The following CHRM3 variants were observed in gnomAD, a reference collection of about 807,000 sequenced individuals.
CHRM3 encodes cholinergic receptor muscarinic 3, also known as muscarinic acetylcholine receptor M3.
Under a neutral mutation model 41.8 loss-of-function variants are expected in CHRM3, and 11 were observed. The observed-to-expected ratio is 0.26, with a 90% CI of 0.17 to 0.44. The LOEUF is 0.44. Among genes scored for constraint, CHRM3 ranks in the 20% least tolerant of loss-of-function variants. The probability of loss-of-function intolerance (pLI) is 1.00; values close to 1 mark genes in which losing one functional copy is unlikely to be tolerated. For missense variants in CHRM3, 571 were observed against 745.4 expected, an observed-to-expected ratio of 0.77 and a Z score of 2.72; for synonymous variants, 297 against 301.4, an observed-to-expected ratio of 0.99 and a Z score of 0.15.
In CHRM3 at chr1:239,894,713, A is replaced by G. The variant is rs568520058; in HGVS notation, c.-19-12720A>G. Among the ~76,000 whole-genome samples, 127 of 150,988 alleles carry G rather than the reference A, an allele frequency of 8.4e-4. 2 individuals are homozygous for G. The highest frequency in any genetic ancestry group is 2.9e-3 in the African/African-American group (118 of 41,164). On this transcript the variant is annotated intron_variant, in intron 6 of 6. Transcript: ENST00000676153. ...CTCCCAAAGTGGTGGTATTACAGGC[A>G]TGAGCCACCGCGCCCGACCGAGAAG...
At chr1:239,398,794 TTTTCTGTATATTAC>T (rs1225836077) in intron 1 of CHRM3, among the ~76,000 whole-genome samples, 1 of 152,238 alleles carries the variant, frequency 6.6e-6, no homozygotes, top group Non-Finnish European at 1.5e-5. Flanking sequence ...TTTGCTTGGT[TTTTCTGTATATTAC>T]TTCCCTTTTG....
At chr1:239,569,087 A>G (rs1661609079) in intron 3 of CHRM3, among the ~76,000 whole-genome samples, 1 of 152,208 alleles carries the variant, frequency 6.6e-6, no homozygotes, top group South Asian at 2.1e-4. Flanking sequence ...TAATACTTTT[A>G]CAATCACATT....
chr1:239,770,938 A>C (rs1667610184), intron 5 of CHRM3, among the ~76,000 whole-genome samples: 1 of 152,038 alleles, frequency 6.6e-6, no homozygotes, highest in Non-Finnish European at 1.5e-5. Flanking sequence ...AAATACAAAA[A>C]TTAGCTGGGC....
chr1:239,472,438 G>T (rs527376364), intron 1 of CHRM3, among the ~76,000 whole-genome samples: 1 of 152,234 alleles, frequency 6.6e-6, no homozygotes, highest in South Asian at 2.1e-4. Flanking sequence ...AGAGTGATGT[G>T]CCATGTTCAT....
At chr1:239,793,550 C>T (rs909834205) in intron 5 of CHRM3, among the ~76,000 whole-genome samples, 4 of 152,162 alleles carry the variant, frequency 2.6e-5, no homozygotes, top group Non-Finnish European at 5.9e-5. Context: ...TTTGTAACTG[C>T]TCAGGCAGAG....
chr1:239,494,348 G>A (rs1268116847), intron 2 of CHRM3, among the ~76,000 whole-genome samples: 2 of 151,962 alleles, frequency 1.3e-5, no homozygotes, highest in African/African-American at 4.8e-5. Context: ...TCCTGTTTTG[G>A]TCAGCAGGGT....
chr1:239,813,883 C>G lies in CHRM3; in HGVS notation c.-146-13369C>G, dbSNP rs969831728. 1.9e-4 allele frequency among the ~76,000 whole-genome samples: 25 copies of G among 132,390 alleles called. 1 individual carries two copies. Among genetic ancestry groups the G allele is most frequent in the African/African-American group, 3.8e-4 (12 of 31,732 alleles). The allele number at this position is 132,390 out of a possible 152,430, so 86.9% of individuals were successfully genotyped here. ...AGTGAGCCGAGATCCCGCCACTGCA[C>G]TCCAGCCTGGGCGACAGAGCGAGAC... On this transcript the variant is annotated intron_variant, in intron 5 of 6. Transcript: ENST00000676153.
At chr1:239,452,485 A>G (rs1285807041) in intron 1 of CHRM3, among the ~76,000 whole-genome samples, 1 of 152,214 alleles carries the variant, frequency 6.6e-6, no homozygotes, top group East Asian at 1.9e-4. Flanking sequence ...ATAACCATCG[A>G]GCAGGATTCT....
chr1:239,711,133 T>G (rs1265473700), intron 5 of CHRM3, among the ~76,000 whole-genome samples: 2 of 152,126 alleles, frequency 1.3e-5, no homozygotes, highest in Non-Finnish European at 2.9e-5. Flanking sequence ...TGAGATTCCT[T>G]AGATAAATAC....
intron 3 of CHRM3, among the ~76,000 whole-genome samples, chr1:239,599,006 C>T (rs1234787899): frequency 6.6e-6 from 1 of 152,148 alleles, no homozygotes; most frequent in Non-Finnish European, 1.5e-5. Context: ...AATATCTTTC[C>T]TGGGATCTTA....
chr1:239,707,339 A>C (rs1661295562), intron 5 of CHRM3: 1 of 152,196 alleles, frequency 6.6e-6, no homozygotes. Flanking sequence ...AAAAAAAATT[A>C]GCTGCATAAT....
chr1:239,501,688 T>C lies in CHRM3; in HGVS notation c.-422+8881T>C, dbSNP rs193231783. Among the ~76,000 whole-genome samples, 232 of 152,126 alleles carry C rather than the reference T, an allele frequency of 1.5e-3. 3 individuals carry two copies. The highest frequency in any genetic ancestry group is 3.7e-3 in the South Asian group (18 of 4,810). Reference sequence around the variant, plus strand: ...GGCTAACACAGTGAAACCCTGTCTCTACTAAAAAATACAAAAAAAATTAGC... The same window carrying C: ...GGCTAACACAGTGAAACCCTGTCTCCACTAAAAAATACAAAAAAAATTAGC... On this transcript the variant is annotated intron_variant, in intron 2 of 6. Coordinates refer to ENST00000676153, the MANE Select transcript of CHRM3 (RefSeq NM_001375978.1).
chr1:239,738,925 C>A (rs1664614300), intron 5 of CHRM3, among the ~76,000 whole-genome samples: 1 of 152,198 alleles, frequency 6.6e-6, no homozygotes, highest in Non-Finnish European at 1.5e-5. Context: ...ACTGCTAAGG[C>A]ACAGTGCATG....
In CHRM3 at chr1:239,827,252, G is replaced by C. The variant is rs1189791923; in HGVS notation, c.-146G>C. ...CCTTGCCTGGTTTCTGTCTTCCCAG[G>C]TGGAGCTGGTCTCTTGGGCAGCCTG... On this transcript the variant is annotated splice_region_variant and 5_prime_UTR_variant, in exon 6 of 7. Transcript: ENST00000676153. 6.6e-6 allele frequency: 1 copy of C among 152,194 alleles called. No homozygotes were observed. The highest frequency in any genetic ancestry group is 6.5e-5 in the Admixed American group (1 of 15,276). 9.4% of individuals were successfully genotyped at this position (152,194 alleles called of 1,614,324 possible).
intron 1 of CHRM3, among the ~76,000 whole-genome samples, chr1:239,435,932 G>A (rs1301664511): frequency 1.3e-5 from 2 of 152,142 alleles, no homozygotes; most frequent in African/African-American, 4.8e-5. Context: ...AGGGGTTGAG[G>A]TGGCATGGAA....
chr1:239,747,535 T>C, intron 5 of CHRM3, among the ~76,000 whole-genome samples: 1 of 152,136 alleles, frequency 6.6e-6, no homozygotes, highest in Non-Finnish European at 1.5e-5. Flanking sequence ...GCTGCTCACA[T>C]TATTTCCCCA....
At chr1:239,881,263 A>G (rs570422509) in intron 6 of CHRM3, among the ~76,000 whole-genome samples, 12 of 114,456 alleles carry the variant, frequency 1.0e-4, no homozygotes, top group Non-Finnish European at 1.9e-4. Context: ...AGCCTGGGCG[A>G]CAGAGTGAGA....
At chr1:239,791,185 A>G (rs537766815) in intron 5 of CHRM3, among the ~76,000 whole-genome samples, 1 of 152,154 alleles carries the variant, frequency 6.6e-6, no homozygotes, top group East Asian at 1.9e-4. Context: ...GCTCACTGCA[A>G]CCTCTGCCTC....
At chr1:239,532,157 C>T (rs564599916) in intron 2 of CHRM3, among the ~76,000 whole-genome samples, 4 of 145,888 alleles carry the variant, frequency 2.7e-5, no homozygotes, top group African/African-American at 1.0e-4. Flanking sequence ...GGACTACAGG[C>T]GCTGCCACCA....
Sources: allele counts gnomAD v4.1 joint callset (sites outside exome capture counted in the v4.1 genomes callset), GRCh38; gene constraint gnomAD v4.1.1; transcripts MANE v1.5; gene names NCBI Gene and HGNC (gene_info 2026-07-23, HGNC 2026-07-21).